Variants in ZMAT1 observed in about 807,000 individuals in gnomAD.
ZMAT1 encodes zinc finger matrin-type 1.
Under a neutral mutation model 18.5 loss-of-function variants are expected in ZMAT1, and 11 were observed. The ratio of observed to expected loss-of-function variants is 0.59; its 90% CI spans 0.37 to 0.98. The LOEUF is 0.98. ZMAT1 is among the 50% of genes least tolerant of loss of function. The pLI is 0.01. For missense variants in ZMAT1, 525 were observed against 496.2 expected, an observed-to-expected ratio of 1.06 and a Z score of -0.55; for synonymous variants, 211 against 176.4, an observed-to-expected ratio of 1.20 and a Z score of -1.55.
chrX:101,929,452 TATA>T (rs1368451415), intron 1 of ZMAT1, among the ~76,000 whole-genome samples: 1 of 60,871 alleles, frequency 1.6e-5, no homozygotes, highest in African/African-American at 7.9e-5. Context: ...TATATATATA[TATA>T]TACACACAGA....
chrX:101,897,784 C>A, intron 4 of ZMAT1, 84 bp downstream of exon 4: 1 of 834,851 alleles, frequency 1.2e-6, no homozygotes, highest in Non-Finnish European at 1.7e-6. Context: ...GAAAGTCTCC[C>A]CCACTAAAAA....
At chrX:101,923,502 A>AATC (rs1380957474) in intron 1 of ZMAT1, among the ~76,000 whole-genome samples, 4 of 111,929 alleles carry the variant, frequency 3.6e-5, no homozygotes, top group Non-Finnish European at 5.6e-5. Context: ...AAGATGATTT[A>AATC]AAGTTTTAAG....
rs1348734131 is a variant in ZMAT1 at position 101,883,725 on chromosome X, T to C, written c.1873A>G (p.Thr625Ala). The C allele has an allele frequency of 1.7e-6, 2 of 1,205,199 alleles. No homozygotes were observed. Among genetic ancestry groups the C allele is most frequent in the East Asian group, 3.0e-5 (1 of 33,681 alleles). Residue 625 changes from threonine to alanine, a missense_variant, in exon 6 of 6, where the codon ACA becomes GCA. Transcript: ENST00000651725. Reference protein sequence around the residue: ...KHKRKKSYEDTDLDKDKSIRQ... With the variant: ...KHKRKKSYEDADLDKDKSIRQ... The stretch of plus-strand genomic sequence containing the variant: ...ATGCTCTTGTCTTTGTCTAAATCTG[T>C]ATCTTCATAACTCTTTTTCCTTTTA...
intron 4 of ZMAT1, chrX:101,889,112 T>A (rs1183240099): frequency 1.8e-5 from 2 of 111,678 alleles, no homozygotes; most frequent in Non-Finnish European, 1.9e-5. Context: ...CTTTTTCACA[T>A]ACTGATGTTC....
Position 101,931,972 on chromosome X carries a change from C to A in ZMAT1, c.37G>T (p.Ala13Ser). ...GTAGCTTCCTGAGGGGAAGACTCCGCCGCCAGCGGGGTGACTGTGCTCGGC... is the reference window on the plus strand; with the variant it reads ...GTAGCTTCCTGAGGGGAAGACTCCGACGCCAGCGGGGTGACTGTGCTCGGC... ...AAPSTVTPLA[A>S]ESSPQEATVS... Residue 13 changes from alanine to serine, a missense_variant, in exon 1 of 6, where the codon GCG (alanine) becomes TCG (serine). By Grantham distance (99) the Ala-to-Ser change is moderately conservative. Transcript: ENST00000651725. 1 of 772,924 alleles carries A rather than the reference C, an allele frequency of 1.3e-6. No homozygotes were observed. Among genetic ancestry groups the A allele is most frequent in the Non-Finnish European group, 1.5e-6 (1 of 651,813 alleles). The allele number at this position is 772,924 out of a possible 1,213,427, so 63.7% of individuals were successfully genotyped here. A position where few individuals can be genotyped will look rare whatever the true frequency, so the allele number is the denominator to read the frequency against.
At chrX:101,927,752 T>C (rs964298876) in intron 1 of ZMAT1, among the ~76,000 whole-genome samples, 6 of 111,991 alleles carry the variant, frequency 5.4e-5, no homozygotes, top group Admixed American at 9.5e-5. Context: ...ACCAAATACA[T>C]GGCATTCATT....
intron 5 of ZMAT1, among the ~76,000 whole-genome samples, chrX:101,886,042 T>C (rs191823291): frequency 9.0e-6 from 1 of 111,349 alleles, no homozygotes; most frequent in East Asian, 2.8e-4. Context: ...AACTAACCAA[T>C]CTCCAACTGT....
intron 1 of ZMAT1, among the ~76,000 whole-genome samples, chrX:101,921,043 A>G (rs774104647): frequency 9.0e-6 from 1 of 111,337 alleles, no homozygotes; most frequent in African/African-American, 3.3e-5. Context: ...AAAAGGATAT[A>G]TAAATGTACA....
At position 101,932,021 on chromosome X, in the gene ZMAT1, C is replaced by T. The variant is rs918318229; in HGVS notation, c.-13G>A. The T allele has an allele frequency of 1.4e-5, 11 of 764,951 alleles. No individual in the cohort carries two copies. The highest frequency in any genetic ancestry group is 1.7e-5 in the Non-Finnish European group (11 of 646,948). 63.0% of individuals were successfully genotyped at this position (764,951 alleles called of 1,213,427 possible). On this transcript the variant is annotated 5_prime_UTR_variant, in exon 1 of 6. Coordinates refer to ENST00000651725, the MANE Select transcript of ZMAT1 (RefSeq NM_001394560.1). Reference sequence around the variant, plus strand: ...GCGCCGCCGCCATCGCAGCGAGGCGCGCGGACAATTGCACTTGCGTCTCGA... The same window carrying T: ...GCGCCGCCGCCATCGCAGCGAGGCGTGCGGACAATTGCACTTGCGTCTCGA...
chrX:101,887,264 C>T, intron 4 of ZMAT1: 1 of 754,166 alleles, frequency 1.3e-6, no homozygotes, highest in Non-Finnish European at 1.6e-6. Context: ...GAGAGAGGTT[C>T]AGTGAGCCCC....
intron 1 of ZMAT1, among the ~76,000 whole-genome samples, chrX:101,914,791 C>T (rs767238261): frequency 9.0e-6 from 1 of 111,450 alleles, no homozygotes; most frequent in Admixed American, 9.5e-5. Context: ...CCTACTAAAA[C>T]TATTCTGAAA....
chrX:101,915,854 C>T (rs184848289), intron 1 of ZMAT1, among the ~76,000 whole-genome samples: 8 of 111,864 alleles, frequency 7.2e-5, no homozygotes, highest in Admixed American at 1.9e-4. Flanking sequence ...GGATCTAGAA[C>T]GAGAAATACC....
In ZMAT1 at chrX:101,883,009, T is replaced by C. The variant is rs1053985679; in HGVS notation, c.*501A>G. ...CTCTTAAGTTCTTGTGTTCTCATGT[T>C]AGTGTTGTTCAGAGGCTAGGTTTAG... is the stretch of plus-strand genomic sequence containing the variant. On this transcript the variant is annotated 3_prime_UTR_variant, in exon 6 of 6. Transcript: ENST00000651725. 1.8e-5 allele frequency: 2 copies of C among 111,420 alleles called. No homozygotes were observed. Among genetic ancestry groups the C allele is most frequent in the Admixed American group, 1.9e-4 (2 of 10,457 alleles). The allele number at this position is 111,420 out of a possible 1,213,427, so 9.2% of individuals were successfully genotyped here.
intron 1 of ZMAT1, among the ~76,000 whole-genome samples, chrX:101,926,558 C>G (rs1288797546): frequency 9.0e-6 from 1 of 111,645 alleles, no homozygotes; most frequent in Admixed American, 9.5e-5. Flanking sequence ...TTTGGTCCAC[C>G]CATGCTTATG....
intron 4 of ZMAT1, among the ~76,000 whole-genome samples, chrX:101,892,514 G>A (rs1211456852): frequency 9.0e-6 from 1 of 111,516 alleles, no homozygotes; most frequent in Non-Finnish European, 1.9e-5. Context: ...TCAAGTGTAG[G>A]TGACTAATAA....
At position 101,886,637 on chromosome X, in the gene ZMAT1, T is replaced by C. The variant is rs149913255; in HGVS notation, c.771A>G (p.Gln257=). The part of the protein sequence containing the change: ...FRSHMQGSEH[Q]IKESIVINLV... ...ATTTTGGCAAAAATACTTACTTAAT[T>C]TGATGTTCACTTCCTTGCATGTGGG... Residue 257 remains glutamine, a synonymous_variant, in exon 5 of 6, where the codon CAA becomes CAG. Coordinates refer to ENST00000651725, the MANE Select transcript of ZMAT1 (RefSeq NM_001394560.1). The C allele has an allele frequency of 1.6e-3, 1,902 of 1,195,041 alleles. 3 individuals are homozygous for C. Among genetic ancestry groups the C allele is most frequent in the Non-Finnish European group, 1.9e-3 (1,650 of 887,452 alleles).
In ZMAT1 at chrX:101,931,880, C is replaced by T. The variant is rs1930529866; in HGVS notation, c.129G>A (p.Ala43=). ...CGGAGGAGGCAGGAACAATTACTGCCGCCGCCGCCGCCGCCGCCGCCGCTG... is the reference window on the plus strand; with the variant it reads ...CGGAGGAGGCAGGAACAATTACTGCTGCCGCCGCCGCCGCCGCCGCCGCTG... ...CAAAAAAAAA[A]AVIVPASSAT... Residue 43 remains alanine (A), a synonymous_variant, in exon 1 of 6, where the codon GCG becomes GCA. Transcript: ENST00000651725. The T allele has an allele frequency of 1.3e-6, 1 of 765,794 alleles. No individual in the cohort carries two copies. Among genetic ancestry groups the T allele is most frequent in the Non-Finnish European group, 1.5e-6 (1 of 645,973 alleles). 63.1% of individuals were successfully genotyped at this position (765,794 alleles called of 1,213,427 possible). A position where few individuals can be genotyped will look rare whatever the true frequency, so the allele number is the denominator to read the frequency against.
At chrX:101,916,917 G>A (rs1362932826) in intron 1 of ZMAT1, among the ~76,000 whole-genome samples, 1 of 111,783 alleles carries the variant, frequency 8.9e-6, no homozygotes, top group Non-Finnish European at 1.9e-5. Flanking sequence ...TTTTGAGAAA[G>A]GTGCCAAGGA....
At chrX:101,900,971 T>C (rs972788827) in intron 2 of ZMAT1, among the ~76,000 whole-genome samples, 3 of 111,965 alleles carry the variant, frequency 2.7e-5, no homozygotes. Flanking sequence ...TTTGTTTGTG[T>C]CATCTATGAT....
Sources: allele counts gnomAD v4.1 joint callset (sites outside exome capture counted in the v4.1 genomes callset), GRCh38; gene constraint gnomAD v4.1.1; transcripts MANE v1.5; gene names NCBI Gene and HGNC (gene_info 2026-07-23, HGNC 2026-07-21).